Variants in BIN3 observed in about 807,000 individuals in gnomAD.
BIN3 encodes the protein bridging integrator 3.
A neutral mutation model predicts 38.2 loss-of-function variants in BIN3; 41 were observed. The observed-to-expected ratio is 1.07, with a 90% CI of 0.84 to 1.39. The LOEUF (loss-of-function observed/expected upper bound fraction) is 1.39, where lower values mean the gene tolerates loss of function less well. Ranked by LOEUF, BIN3 falls within the 40% of genes most tolerant of loss-of-function variation. The pLI is 0.00. For missense variants in BIN3, 361 were observed against 324.3 expected, an observed-to-expected ratio of 1.11 and a Z score of -0.87; for synonymous variants, 145 against 122.6, an observed-to-expected ratio of 1.18 and a Z score of -1.21.
At chr8:22,632,341 G>A (rs906470919) in intron 4 of BIN3, among the ~76,000 whole-genome samples, 9 of 152,162 alleles carry the variant, frequency 5.9e-5, no homozygotes, top group African/African-American at 9.7e-5. Context: ...AGCGCTGAGC[G>A]GACTAGCCAG....
At position 22,648,906 on chromosome 8, in the gene BIN3, T is replaced by C. The variant is rs200338107; in HGVS notation, c.9-4103A>G. ...ATATCCACATCAACGTATGTATGTA[T>C]GTATGTATGTATGTATGTATGTATG... On this transcript the variant is annotated intron_variant, in intron 1 of 8. Transcript: ENST00000276416. Among the ~76,000 whole-genome samples, 4 of 84,956 alleles carry C rather than the reference T, an allele frequency of 4.7e-5. No individual in the cohort carries two copies. The South Asian group carries it at 1.4e-3, about 29-fold the overall frequency. 55.7% of individuals were successfully genotyped at this position (84,956 alleles called of 152,430 possible).
At position 22,624,981 on chromosome 8, in the gene BIN3, G is replaced by C. The variant is rs1801960127; in HGVS notation, c.339-618C>G. The C allele has an allele frequency of 9.9e-6, 3 of 304,306 alleles. No homozygotes were observed. The South Asian group carries it at 2.3e-4, about 24-fold the overall frequency. The allele number at this position is 304,306 out of a possible 1,614,324, so 18.9% of individuals were successfully genotyped here. ...GAAATCTAAACTCACCCCTGCCCCA[G>C]GGCACCTTCTCCTTCAAGGGCTCCT... On this transcript the variant is annotated intron_variant, in intron 6 of 8. Transcript: ENST00000276416.
chr8:22,660,798 G>T (rs1173520677), intron 1 of BIN3, among the ~76,000 whole-genome samples: 1 of 152,210 alleles, frequency 6.6e-6, no homozygotes, highest in East Asian at 1.9e-4. Flanking sequence ...GCTTGCTTTA[G>T]ATATTATTAT....
At position 22,652,494 on chromosome 8, in the gene BIN3, T is replaced by C. The variant is rs367620173; in HGVS notation, c.9-7691A>G. The stretch of plus-strand genomic sequence containing the variant: ...AAGAGCCTGCGTGTGCATGTATGTG[T>C]ACACATGTGTGCATGTGCGCATGTG... On this transcript the variant is annotated intron_variant, in intron 1 of 8. Coordinates refer to ENST00000276416, the MANE Select transcript of BIN3 (RefSeq NM_018688.6). 9.8e-5 allele frequency among the ~76,000 whole-genome samples: 15 copies of C among 152,290 alleles called. No individual in the cohort carries two copies. The East Asian group carries it at 1.7e-3, about 18-fold the overall frequency.
At position 22,636,583 on chromosome 8, in the gene BIN3, C is replaced by T. The variant is rs1802374210; in HGVS notation, c.102G>A (p.Leu34=). 1.9e-6 allele frequency: 3 copies of T among 1,552,078 alleles called. No homozygotes were observed. The highest frequency in any genetic ancestry group is 2.4e-5 in the East Asian group (1 of 40,950). ...FEREYGKLQQ[L]EEQTRRLQKD... ...TCTGCAGCCTCCGGGTCTGCTCTTC[C>T]AGCCTGCAAGGCAGGGGACGGGCTG... is the stretch of plus-strand genomic sequence containing the variant. Residue 34 remains leucine (L), a synonymous_variant, in exon 4 of 9, where the codon CTG becomes CTA. Coordinates refer to ENST00000276416, the MANE Select transcript of BIN3 (RefSeq NM_018688.6).
intron 4 of BIN3, among the ~76,000 whole-genome samples, chr8:22,636,026 G>A (rs1802354224): frequency 1.3e-5 from 2 of 152,138 alleles, no homozygotes; most frequent in Non-Finnish European, 2.9e-5. Flanking sequence ...CACTTCCCAA[G>A]GACCTCCCGG....
At chr8:22,641,213 G>A (rs1391260604) in intron 2 of BIN3, among the ~76,000 whole-genome samples, 1 of 152,178 alleles carries the variant, frequency 6.6e-6, no homozygotes, top group Admixed American at 6.5e-5. Context: ...AAACACATGT[G>A]CACGGACCAT....
intron 1 of BIN3, among the ~76,000 whole-genome samples, chr8:22,666,954 G>A (rs1017426400): frequency 6.6e-6 from 1 of 152,158 alleles, no homozygotes; most frequent in Admixed American, 6.5e-5. Flanking sequence ...AACCACTCAG[G>A]GAGTGAATCA....
At chr8:22,659,151 G>A (rs1316863341) in intron 1 of BIN3, among the ~76,000 whole-genome samples, 2 of 152,232 alleles carry the variant, frequency 1.3e-5, no homozygotes, top group Non-Finnish European at 2.9e-5. Context: ...TCTGTGTCGG[G>A]CCAGCTGGCC....
intron 2 of BIN3, among the ~76,000 whole-genome samples, chr8:22,641,776 T>G (rs1249470079): frequency 5.9e-5 from 9 of 152,176 alleles, no homozygotes; most frequent in Admixed American, 5.9e-4. Context: ...GTTCCTTGTG[T>G]GCAAGACTCA....
At chr8:22,665,255 G>A (rs1049120342) in intron 1 of BIN3, among the ~76,000 whole-genome samples, 1 of 152,218 alleles carries the variant, frequency 6.6e-6, no homozygotes, top group Non-Finnish European at 1.5e-5. Context: ...TTCATTTTAG[G>A]AAGTGGTTTG....
intron 8 of BIN3, among the ~76,000 whole-genome samples, chr8:22,622,250 C>G (rs983318617): frequency 2.0e-5 from 3 of 152,240 alleles, no homozygotes; most frequent in African/African-American, 7.2e-5. Flanking sequence ...GGGGCCACTT[C>G]TGCCTCAGTT....
At chr8:22,637,816 C>T (rs927259041) in intron 2 of BIN3, among the ~76,000 whole-genome samples, 11 of 152,330 alleles carry the variant, frequency 7.2e-5, no homozygotes, top group Admixed American at 4.6e-4. Flanking sequence ...GTGCCAGCTT[C>T]GGGCTTCGTG....
chr8:22,627,462 A>C (rs1353207789), intron 6 of BIN3, among the ~76,000 whole-genome samples: 1 of 152,154 alleles, frequency 6.6e-6, no homozygotes. Flanking sequence ...GTGGGATCTC[A>C]GGTCAGGGCT....
chr8:22,637,696 A>G (rs1447048033), intron 2 of BIN3, among the ~76,000 whole-genome samples: 1 of 152,160 alleles, frequency 6.6e-6, no homozygotes, highest in Non-Finnish European at 1.5e-5. Context: ...TGTAAAACGG[A>G]GCCTCATGAT....
At position 22,621,362 on chromosome 8, in the gene BIN3, G is replaced by C. The variant is rs781688409; in HGVS notation, c.*60C>G. The stretch of plus-strand genomic sequence containing the variant: ...CTGTGAGAGGAGCAGCTAGCCCTGA[G>C]AAGGGCAAGGATGAATGAGGCTGAC... On this transcript the variant is annotated 3_prime_UTR_variant, in exon 9 of 9. Coordinates refer to ENST00000276416, the MANE Select transcript of BIN3 (RefSeq NM_018688.6). 6.4e-7 allele frequency: 1 copy of C among 1,556,300 alleles called. No individual in the cohort carries two copies. The highest frequency in any genetic ancestry group is 8.7e-7 in the Non-Finnish European group (1 of 1,148,616).
chr8:22,627,357 C>A (rs552403895), intron 6 of BIN3, among the ~76,000 whole-genome samples: 1 of 151,898 alleles, frequency 6.6e-6, no homozygotes, highest in South Asian at 2.1e-4. Flanking sequence ...ACTCACTGAC[C>A]CTTTGAGGCC....
chr8:22,659,014 G>A (rs1803147582), intron 1 of BIN3, among the ~76,000 whole-genome samples: 1 of 152,228 alleles, frequency 6.6e-6, no homozygotes, highest in East Asian at 1.9e-4. Flanking sequence ...GCCTGCTCTG[G>A]CCTGAGGCCC....
chr8:22,653,322 C>T (rs576828653), intron 1 of BIN3, among the ~76,000 whole-genome samples: 18 of 152,250 alleles, frequency 1.2e-4, no homozygotes, highest in African/African-American at 3.1e-4. Flanking sequence ...AAATGGATCT[C>T]GTTCTCTTAA....
Sources: gnomAD v4.1 joint callset for allele counts (sites outside exome capture counted in the v4.1 genomes callset) on GRCh38, gnomAD v4.1.1 for gene constraint, MANE v1.5 for transcripts, NCBI Gene and HGNC (gene_info 2026-07-23, HGNC 2026-07-21) for gene names.